The following PDE4B variants were observed in gnomAD, a reference collection of about 807,000 sequenced individuals.
PDE4B encodes 3',5'-cyclic-AMP phosphodiesterase 4B.
In PDE4B, 20 loss-of-function variants were observed where a neutral mutation model predicts 82.2. That is an observed-to-expected ratio of 0.24 (90% CI 0.17 to 0.35). PDE4B has a LOEUF of 0.35. Among genes scored for constraint, PDE4B ranks in the 10% least tolerant of loss-of-function variants. PDE4B has a pLI of 1.00. For missense variants in PDE4B, 655 were observed against 907.2 expected, an observed-to-expected ratio of 0.72 and a Z score of 3.57; for synonymous variants, 320 against 318.9, an observed-to-expected ratio of 1.00 and a Z score of -0.04.
At chr1:65,823,149 G>A (rs1645973787) in intron 1 of PDE4B, among the ~76,000 whole-genome samples, 1 of 152,030 alleles carries the variant, frequency 6.6e-6, no homozygotes, top group African/African-American at 2.4e-5. Flanking sequence ...TATAGTCCCA[G>A]CACTTTGGGA....
chr1:65,796,912 G>T (rs1022363992), intron 1 of PDE4B, among the ~76,000 whole-genome samples: 8 of 151,212 alleles, frequency 5.3e-5, no homozygotes, highest in African/African-American at 1.9e-4. Context: ...GCCTCCCAAA[G>T]TGCTGGGATT....
intron 3 of PDE4B, among the ~76,000 whole-genome samples, chr1:66,164,755 C>CTTT (rs145224852): frequency 2.0e-4 from 18 of 87,854 alleles, no homozygotes; most frequent in African/African-American, 3.8e-4. Flanking sequence ...CTTTTCTTTT[C>CTTT]TTTTTTTTTT....
intron 1 of PDE4B, among the ~76,000 whole-genome samples, chr1:65,824,192 G>A (rs1570977720): frequency 6.6e-6 from 1 of 151,934 alleles, no homozygotes; most frequent in East Asian, 1.9e-4. Flanking sequence ...AATTCCTCAA[G>A]GTCAATAACT....
Position 65,879,932 on chromosome 1 carries a change from A to G in PDE4B, c.-70-33313A>G, listed in dbSNP as rs1370299814. Among the ~76,000 whole-genome samples the G allele has an allele frequency of 2.0e-5, 3 of 152,264 alleles. No homozygotes were observed. The East Asian group carries it at 5.8e-4, about 29-fold the overall frequency. On this transcript the variant is annotated intron_variant, in intron 1 of 16. Coordinates refer to ENST00000341517, the MANE Select transcript of PDE4B (RefSeq NM_002600.4). The stretch of plus-strand genomic sequence containing the variant: ...TTGGTCTATGTATCATTCCTTCATC[A>G]TATAAGGACCTTGGAATTACAAAGG...
intron 1 of PDE4B, among the ~76,000 whole-genome samples, chr1:65,887,540 C>T (rs1223903056): frequency 1.4e-5 from 2 of 145,786 alleles, no homozygotes; most frequent in African/African-American, 5.1e-5. Context: ...ACCTTAGCCT[C>T]CAGAGTAGCC....
intron 3 of PDE4B, among the ~76,000 whole-genome samples, chr1:66,204,116 A>G (rs1361008444): frequency 6.6e-6 from 1 of 152,094 alleles, no homozygotes; most frequent in Non-Finnish European, 1.5e-5. Flanking sequence ...GGTCCATTCC[A>G]GACCCTGTTT....
At chr1:66,006,028 A>T (rs1031535271) in intron 3 of PDE4B, among the ~76,000 whole-genome samples, 1 of 152,356 alleles carries the variant, frequency 6.6e-6, no homozygotes, top group East Asian at 1.9e-4. Context: ...ACATGGCAGA[A>T]GCATTTAGAA....
chr1:66,363,213 G>A lies in PDE4B; in HGVS notation c.1066G>A (p.Ala356Thr). The A allele has an allele frequency of 1.2e-6, 2 of 1,613,180 alleles. No individual in the cohort carries two copies. Among genetic ancestry groups the A allele is most frequent in the Non-Finnish European group, 1.7e-6 (2 of 1,179,286 alleles). Residue 356 changes from alanine to threonine, a missense_variant, in exon 11 of 17, where the codon GCT becomes ACT. By Grantham distance (58) the Ala-to-Thr change is moderately conservative. Coordinates refer to ENST00000341517, the MANE Select transcript of PDE4B (RefSeq NM_002600.4). ...ATGGGGTCTTAACATCTTTAATGTGGCTGGATATTCTCACAATAGACCCCT... is the reference window on the plus strand; with the variant it reads ...ATGGGGTCTTAACATCTTTAATGTGACTGGATATTCTCACAATAGACCCCT... ...NKWGLNIFNV[A>T]GYSHNRPLTC...
intron 3 of PDE4B, among the ~76,000 whole-genome samples, chr1:65,954,412 A>G (rs900519516): frequency 9.2e-5 from 14 of 152,088 alleles, no homozygotes; most frequent in African/African-American, 3.4e-4. Flanking sequence ...AATTGTCATT[A>G]AAACTCTTAA....
intron 3 of PDE4B, among the ~76,000 whole-genome samples, chr1:66,120,548 C>T (rs1014054387): frequency 6.6e-6 from 1 of 152,178 alleles, no homozygotes; most frequent in South Asian, 2.1e-4. Context: ...GTTTTATTTG[C>T]CTGTACCATT....
chr1:66,019,957 G>A (rs1161154864), intron 3 of PDE4B, among the ~76,000 whole-genome samples: 3 of 152,182 alleles, frequency 2.0e-5, no homozygotes, highest in Non-Finnish European at 4.4e-5. Context: ...GTTTAGGTCT[G>A]CCAGTCAACA....
intron 3 of PDE4B, among the ~76,000 whole-genome samples, chr1:66,206,016 G>T (rs1649518351): frequency 6.6e-6 from 1 of 152,184 alleles, no homozygotes; most frequent in African/African-American, 2.4e-5. Context: ...GAAGCAATGT[G>T]CTAGGAATCA....
chr1:65,917,851 T>G (rs1647180645), intron 2 of PDE4B, among the ~76,000 whole-genome samples: 1 of 152,178 alleles, frequency 6.6e-6, no homozygotes, highest in Non-Finnish European at 1.5e-5. Flanking sequence ...TGTTCTAAGA[T>G]AGATAATATT....
chr1:66,213,221 C>T (rs1016048528), intron 3 of PDE4B, among the ~76,000 whole-genome samples: 4 of 152,166 alleles, frequency 2.6e-5, no homozygotes, highest in African/African-American at 9.6e-5. Flanking sequence ...GAATAATTGT[C>T]TCAAGAAAGA....
At chr1:65,871,641 G>C (rs563178367) in intron 1 of PDE4B, among the ~76,000 whole-genome samples, 12 of 152,300 alleles carry the variant, frequency 7.9e-5, no homozygotes, top group African/African-American at 2.9e-4. Context: ...GAAGACTTCA[G>C]TTGCCTGAAA....
intron 3 of PDE4B, chr1:66,042,515 G>A (rs1260216720): frequency 6.6e-6 from 1 of 151,708 alleles, no homozygotes; most frequent in Non-Finnish European, 1.5e-5. Flanking sequence ...TTTTGAATGA[G>A]GTATTTATTT....
chr1:65,932,938 C>T (rs1375042908), intron 3 of PDE4B, among the ~76,000 whole-genome samples: 1 of 151,860 alleles, frequency 6.6e-6, no homozygotes, highest in Non-Finnish European at 1.5e-5. Flanking sequence ...ATAAAGACAG[C>T]TTAAAGGACT....
intron 3 of PDE4B, among the ~76,000 whole-genome samples, chr1:66,035,956 G>T (rs1348560123): frequency 1.3e-5 from 2 of 152,094 alleles, no homozygotes; most frequent in African/African-American, 2.4e-5. Context: ...ATTTACAGTA[G>T]CATCAATAAT....
chr1:65,988,438 T>C (rs1651065956), intron 3 of PDE4B, among the ~76,000 whole-genome samples: 1 of 152,096 alleles, frequency 6.6e-6, no homozygotes, highest in Admixed American at 6.6e-5. Context: ...CTGGAAGAGG[T>C]ATGTTAGTTC....
Sources: allele counts gnomAD v4.1 joint callset (sites outside exome capture counted in the v4.1 genomes callset), GRCh38; gene constraint gnomAD v4.1.1; transcripts MANE v1.5; gene names NCBI Gene and HGNC (gene_info 2026-07-23, HGNC 2026-07-21).